ICOS: variants seen among roughly 807,000 people sequenced by gnomAD.
ICOS encodes inducible T cell costimulator.
Under a neutral mutation model 24.6 loss-of-function variants are expected in ICOS, and 15 were observed. The observed-to-expected ratio is 0.61, with a 90% CI of 0.41 to 0.94. The LOEUF is 0.94. Among genes scored for constraint, ICOS ranks in the 40% least tolerant of loss-of-function variants. ICOS has a pLI of 0.00. For synonymous variants in ICOS, 89 were observed against 77.5 expected, an observed-to-expected ratio of 1.15 and a Z score of -0.78; for missense variants, 200 against 233.0, an observed-to-expected ratio of 0.86 and a Z score of 0.92.
chr2:203,957,735 A>G (rs778519345), intron 3 of ICOS, 64 bp from the exon 4 acceptor site: 11 of 1,207,340 alleles, frequency 9.1e-6, no homozygotes, highest in Non-Finnish European at 1.4e-5. Context: ...AATAGAAAAC[A>G]GTCAAAAAAC....
chr2:203,955,518 T>A lies in ICOS; in HGVS notation c.59-118T>A, dbSNP rs965608370. On this transcript the variant is annotated intron_variant, in intron 1 of 4. Coordinates refer to ENST00000316386, the MANE Select transcript of ICOS (RefSeq NM_012092.4). ...GGAGGGAGAATGTGAAGCTGTTTCATTTTGGTGCAACAGAGATGACTTTAT... is the reference window on the plus strand; with the variant it reads ...GGAGGGAGAATGTGAAGCTGTTTCAATTTGGTGCAACAGAGATGACTTTAT... The A allele has an allele frequency of 1.7e-5, 13 of 785,148 alleles. No homozygotes were observed. The Admixed American group carries it at 2.6e-4, about 16-fold the overall frequency. The allele number at this position is 785,148 out of a possible 1,614,324, so 48.6% of individuals were successfully genotyped here. A position where few individuals can be genotyped will look rare whatever the true frequency, so the allele number is the denominator to read the frequency against.
At chr2:203,959,535 A>C in intron 4 of ICOS, 51 bp from the exon 5 acceptor site, 3 of 1,549,596 alleles carry the variant, frequency 1.9e-6, no homozygotes, top group Non-Finnish European at 2.7e-6. Context: ...TCTTGTAGGG[A>C]ACTGGCACAT....
chr2:203,943,925 A>G (rs1689825642), intron 1 of ICOS, among the ~76,000 whole-genome samples: 1 of 152,036 alleles, frequency 6.6e-6, no homozygotes, highest in African/African-American at 2.4e-5. Context: ...GAAGTGGGGG[A>G]AAACCGGCAG....
intron 1 of ICOS, among the ~76,000 whole-genome samples, chr2:203,938,404 C>T (rs1036313347): frequency 6.6e-6 from 1 of 152,148 alleles, no homozygotes; most frequent in Non-Finnish European, 1.5e-5. Context: ...GGTTAGGGAA[C>T]TAGAAGAAAG....
chr2:203,942,412 G>A (rs1689794305), intron 1 of ICOS, among the ~76,000 whole-genome samples: 1 of 152,122 alleles, frequency 6.6e-6, no homozygotes, highest in Admixed American at 6.5e-5. Flanking sequence ...ATAAGTGATG[G>A]GAAAATCATT....
chr2:203,957,886 A>G lies in ICOS; in HGVS notation c.586+3A>G, dbSNP rs377370202. On this transcript the variant is annotated splice_donor_region_variant and intron_variant, in intron 4 of 4. Coordinates refer to ENST00000316386, the MANE Select transcript of ICOS (RefSeq NM_012092.4). ...AGCCAAAAAATCTAGACTCACAGGT[A>G]TGACTCCATTTGGGGGTTTGGGAAG... The G allele has an allele frequency of 2.5e-6, 4 of 1,581,814 alleles. No individual in the cohort carries two copies. The highest frequency in any genetic ancestry group is 2.7e-5 in the African/African-American group (2 of 74,248).
chr2:203,961,386 G>T lies in ICOS; in HGVS notation c.*1787G>T, dbSNP rs531619607. 107 of 172,862 alleles carry T rather than the reference G, an allele frequency of 6.2e-4. No homozygotes were observed. The highest frequency in any genetic ancestry group is 2.1e-3 in the African/African-American group (88 of 41,842). The allele number at this position is 172,862 out of a possible 1,614,324, so 10.7% of individuals were successfully genotyped here. On this transcript the variant is annotated 3_prime_UTR_variant, in exon 5 of 5. Transcript: ENST00000316386. The stretch of plus-strand genomic sequence containing the variant: ...TATGGGGAGGAGAACCTTCATGGTG[G>T]CCCACCTGGCCTGGTTGTCCAAGCT...
intron 1 of ICOS, among the ~76,000 whole-genome samples, chr2:203,939,890 G>A (rs930796352): frequency 4.6e-5 from 7 of 152,130 alleles, no homozygotes; most frequent in Non-Finnish European, 8.8e-5. Flanking sequence ...TCTTTTGATA[G>A]ATGAATTCAG....
intron 1 of ICOS, among the ~76,000 whole-genome samples, chr2:203,937,206 T>G (rs536908351): frequency 6.6e-6 from 1 of 152,308 alleles, no homozygotes; most frequent in African/African-American, 2.4e-5. Flanking sequence ...AAATGACTTG[T>G]GTCAACAGAA....
intron 1 of ICOS, among the ~76,000 whole-genome samples, chr2:203,938,220 G>T (rs1689697480): frequency 6.6e-6 from 1 of 152,192 alleles, no homozygotes; most frequent in South Asian, 2.1e-4. Context: ...GGGTGTGGAG[G>T]TGTAGCTGAG....
rs546059874 is a variant in ICOS at position 203,947,994 on chromosome 2, G to C, written c.59-7642G>C. 6.6e-5 allele frequency among the ~76,000 whole-genome samples: 10 copies of C among 152,248 alleles called. No individual in the cohort carries two copies. In the South Asian group the frequency reaches 2.1e-3, roughly 32 times the overall value. ...GGTCATATATTGGGCAAATGTAATG[G>C]CTGCGCTTTGGGACATCCAAGTGAG... On this transcript the variant is annotated intron_variant, in intron 1 of 4. Transcript: ENST00000316386.
At chr2:203,951,997 T>C (rs1689985182) in intron 1 of ICOS, among the ~76,000 whole-genome samples, 1 of 152,224 alleles carries the variant, frequency 6.6e-6, no homozygotes, top group African/African-American at 2.4e-5. Flanking sequence ...CAAGTATTAT[T>C]TTCCTTCTGT....
intron 1 of ICOS, among the ~76,000 whole-genome samples, chr2:203,948,981 A>T (rs1053901637): frequency 6.6e-6 from 1 of 152,212 alleles, no homozygotes; most frequent in Non-Finnish European, 1.5e-5. Flanking sequence ...CCAGGGTAAG[A>T]ACTTAGATTT....
At chr2:203,958,433 C>A (rs984796675) in intron 4 of ICOS, among the ~76,000 whole-genome samples, 1 of 152,088 alleles carries the variant, frequency 6.6e-6, no homozygotes, top group Non-Finnish European at 1.5e-5. Context: ...TTAGAAGTCT[C>A]AGTAACATGG....
intron 1 of ICOS, among the ~76,000 whole-genome samples, chr2:203,950,905 C>T (rs538773658): frequency 2.8e-5 from 4 of 140,760 alleles, no homozygotes; most frequent in African/African-American, 1.1e-4. Flanking sequence ...ACTAAAAATA[C>T]AAAAATTAGC....
rs756570847 is a variant in ICOS at position 203,959,672 on chromosome 2, T to C, written c.*73T>C. On this transcript the variant is annotated 3_prime_UTR_variant, in exon 5 of 5. Transcript: ENST00000316386. ...CAACTTGAAGTGCAAGATTCTCTTA[T>C]TTCCGGGACCACGGAGAGTCTGACT... 21 of 1,392,464 alleles carry C rather than the reference T, an allele frequency of 1.5e-5. No homozygotes were observed. The highest frequency in any genetic ancestry group is 5.0e-5 in the Admixed American group (3 of 59,670). 86.3% of individuals were successfully genotyped at this position (1,392,464 alleles called of 1,614,324 possible). A position where few individuals can be genotyped will look rare whatever the true frequency, so the allele number is the denominator to read the frequency against.
chr2:203,940,670 A>G (rs1294216745), intron 1 of ICOS, among the ~76,000 whole-genome samples: 2 of 152,122 alleles, frequency 1.3e-5, no homozygotes, highest in African/African-American at 4.8e-5. Context: ...TTTGTAAAAA[A>G]AAAAAAAACT....
At chr2:203,957,352 A>G (rs1403954338) in intron 3 of ICOS, among the ~76,000 whole-genome samples, 2 of 152,194 alleles carry the variant, frequency 1.3e-5, no homozygotes, top group Non-Finnish European at 2.9e-5. Flanking sequence ...CAATGACAAC[A>G]ACAAAAATCT....
At position 203,938,319 on chromosome 2, in the gene ICOS, T is replaced by C. The variant is rs545671627; in HGVS notation, c.58+1447T>C. ...GTAGCAATCAATGGGGAGAACGGTA[T>C]GAAGGTAGGGAAGAACGTTCCATAC... On this transcript the variant is annotated intron_variant, in intron 1 of 4. Transcript: ENST00000316386. 6.6e-5 allele frequency among the ~76,000 whole-genome samples: 10 copies of C among 152,180 alleles called. No individual in the cohort carries two copies. In the East Asian group the frequency reaches 1.5e-3, roughly 24 times the overall value.
Sources: gnomAD v4.1 joint callset for allele counts (sites outside exome capture counted in the v4.1 genomes callset) on GRCh38, gnomAD v4.1.1 for gene constraint, MANE v1.5 for transcripts, NCBI Gene and HGNC (gene_info 2026-07-23, HGNC 2026-07-21) for gene names.